SGTB: variants seen among roughly 807,000 people sequenced by gnomAD.
SGTB encodes the protein small glutamine rich tetratricopeptide repeat co-chaperone beta.
A neutral mutation model predicts 43.9 loss-of-function variants in SGTB; 19 were observed. The ratio of observed to expected loss-of-function variants is 0.43; its 90% CI spans 0.30 to 0.63. The LOEUF (loss-of-function observed/expected upper bound fraction) is 0.63. SGTB is among the 30% of genes least tolerant of loss of function. The probability of loss-of-function intolerance (pLI) is 0.12; values close to 1 mark genes in which losing one functional copy is unlikely to be tolerated. For synonymous variants in SGTB, 116 were observed against 117.3 expected, an observed-to-expected ratio of 0.99 and a Z score of 0.07; for missense variants, 304 against 358.9, an observed-to-expected ratio of 0.85 and a Z score of 1.24.
intron 8 of SGTB, among the ~76,000 whole-genome samples, chr5:65,675,614 C>T (rs1757251614): frequency 6.6e-6 from 1 of 152,170 alleles, no homozygotes; most frequent in Admixed American, 6.5e-5. Context: ...AGGCCACCTA[C>T]AAAGGGAAGC....
chr5:65,694,720 C>G (rs1354294422), intron 5 of SGTB, among the ~76,000 whole-genome samples: 1 of 152,080 alleles, frequency 6.6e-6, no homozygotes, highest in Non-Finnish European at 1.5e-5. Context: ...TCAGGTGATT[C>G]ACCCACCTCG....
At position 65,699,516 on chromosome 5, in the gene SGTB, T is replaced by A. The variant is rs183159384; in HGVS notation, c.374+4763A>T. Among the ~76,000 whole-genome samples, 9 of 152,342 alleles carry A rather than the reference T, an allele frequency of 5.9e-5. No homozygotes were observed. The East Asian group carries it at 1.7e-3, about 29-fold the overall frequency. On this transcript the variant is annotated intron_variant, in intron 5 of 10. Transcript: ENST00000381007. ...TTCATCCGTGTAACCAAAAACCACA[T>A]GTACCCCCAAAGCTACTGAAATACA...
chr5:65,700,289 T>C (rs1757787148), intron 5 of SGTB, among the ~76,000 whole-genome samples: 2 of 152,170 alleles, frequency 1.3e-5, no homozygotes. Flanking sequence ...TACCTGAAGT[T>C]TAACAGAAGA....
In SGTB at chr5:65,670,294, A is replaced by G. The variant is rs752723142; in HGVS notation, c.867T>C (p.Asn289=). 4.3e-5 allele frequency: 70 copies of G among 1,614,020 alleles called. No homozygotes were observed. In the Admixed American group the frequency reaches 1.1e-3, roughly 26 times the overall value. Residue 289 remains asparagine (N), a synonymous_variant, in exon 11 of 11, where the codon AAT becomes AAC. Transcript: ENST00000381007. The part of the protein sequence containing the change: ...QNPELIEQLR[N]HIRSRSFSSS... ...TGCTGAATGATCTGCTCCGGATGTG[A>G]TTTCTCAGTTGCTCTATAAGTTCAG...
At chr5:65,722,215 G>A, upstream of SGTB, 1 of 381,232 alleles carries the variant, frequency 2.6e-6, no homozygotes, top group Non-Finnish European at 4.5e-6. Context: ...AGGCGCCGGC[G>A]TGGAGCTGCC....
intron 5 of SGTB, among the ~76,000 whole-genome samples, chr5:65,691,935 A>G (rs763577357): frequency 9.3e-5 from 10 of 107,416 alleles, no homozygotes; most frequent in Non-Finnish European, 1.9e-4. Context: ...CGTCTTAAAG[A>G]AAAAAAAAAA....
intron 2 of SGTB, 121 bp downstream of exon 2, chr5:65,720,584 TCTC>T (rs1758248345): frequency 9.1e-7 from 1 of 1,098,464 alleles, no homozygotes. Flanking sequence ...TAGTCAGGCC[TCTC>T]CTCTTGAAAG....
At chr5:65,715,705 G>C (rs965499928) in intron 2 of SGTB, among the ~76,000 whole-genome samples, 1 of 152,246 alleles carries the variant, frequency 6.6e-6, no homozygotes. Flanking sequence ...TAAACAGGTA[G>C]TAAAGGGTAA....
Position 65,668,258 on chromosome 5 carries a change from G to A in SGTB, c.*1988C>T, listed in dbSNP as rs1474486718. 1.3e-5 allele frequency: 2 copies of A among 151,878 alleles called. No homozygotes were observed. Among genetic ancestry groups the A allele is most frequent in the African/African-American group, 4.8e-5 (2 of 41,314 alleles). 9.4% of individuals were successfully genotyped at this position (151,878 alleles called of 1,614,324 possible). A position where few individuals can be genotyped will look rare whatever the true frequency, so the allele number is the denominator to read the frequency against. ...ATGAGCCACAGCGCCCGGCCAATTA[G>A]TCTTTTGATAAGGGTTCTATAAGGC... On this transcript the variant is annotated 3_prime_UTR_variant, in exon 11 of 11. Transcript: ENST00000381007.
chr5:65,686,274 A>C (rs1431441756), intron 5 of SGTB, among the ~76,000 whole-genome samples: 1 of 152,116 alleles, frequency 6.6e-6, no homozygotes, highest in Non-Finnish European at 1.5e-5. Context: ...GCTGCACAGC[A>C]CCTCTGCCTC....
At chr5:65,688,327 G>A (rs1031911494) in intron 5 of SGTB, among the ~76,000 whole-genome samples, 1 of 152,144 alleles carries the variant, frequency 6.6e-6, no homozygotes, top group Non-Finnish European at 1.5e-5. Flanking sequence ...CCTAGTGTCT[G>A]ATCTATCACT....
chr5:65,670,896 C>T (rs908763385), intron 10 of SGTB, among the ~76,000 whole-genome samples: 1 of 152,132 alleles, frequency 6.6e-6, no homozygotes, highest in African/African-American at 2.4e-5. Context: ...TGACAAACAA[C>T]AAGTGGTACT....
chr5:65,674,037 G>A (rs980995445), intron 8 of SGTB, among the ~76,000 whole-genome samples: 1 of 152,150 alleles, frequency 6.6e-6, no homozygotes, highest in African/African-American at 2.4e-5. Context: ...TCCAGGTTGA[G>A]GGTTAAATGG....
upstream of SGTB, chr5:65,722,141 G>A (rs1561171438): frequency 9.8e-6 from 2 of 203,678 alleles, no homozygotes; most frequent in Non-Finnish European, 1.9e-5. Context: ...GGGGCCGGAC[G>A]CGAGGGCTGG....
intron 2 of SGTB, among the ~76,000 whole-genome samples, chr5:65,714,990 T>C (rs2150724489): frequency 6.6e-6 from 1 of 152,290 alleles, no homozygotes; most frequent in African/African-American, 2.4e-5. Flanking sequence ...TGAGAATGAA[T>C]TAGAGAGAAA....
At chr5:65,677,916 C>A (rs1190855873) in intron 8 of SGTB, among the ~76,000 whole-genome samples, 1 of 152,128 alleles carries the variant, frequency 6.6e-6, no homozygotes, top group Non-Finnish European at 1.5e-5. Context: ...GAAGTGTTCC[C>A]CTTGAAAACC....
chr5:65,720,088 T>C (rs1474517593), intron 2 of SGTB, among the ~76,000 whole-genome samples: 7 of 145,712 alleles, frequency 4.8e-5, no homozygotes, highest in African/African-American at 1.2e-4. Context: ...TTTCTTTTTT[T>C]TTTTTTTTTT....
intron 3 of SGTB, among the ~76,000 whole-genome samples, chr5:65,709,592 T>A (rs936160058): frequency 1.5e-4 from 23 of 152,258 alleles, no homozygotes; most frequent in African/African-American, 5.3e-4. Flanking sequence ...TTGGCCACAA[T>A]GGTCTAGATC....
intron 3 of SGTB, among the ~76,000 whole-genome samples, chr5:65,709,068 TA>T (rs1382442667): frequency 6.6e-6 from 1 of 151,580 alleles, no homozygotes; most frequent in Admixed American, 6.6e-5. Context: ...ATATGAAGAA[TA>T]TGTGAATCAA....
Sources: allele counts gnomAD v4.1 joint callset (sites outside exome capture counted in the v4.1 genomes callset), GRCh38; gene constraint gnomAD v4.1.1; transcripts MANE v1.5; gene names NCBI Gene and HGNC (gene_info 2026-07-23, HGNC 2026-07-21).